UNC13B: variants seen among roughly 807,000 people sequenced by gnomAD.
UNC13B encodes unc-13 homolog B.
UNC13B carries 144 observed loss-of-function variants against 211.0 expected under a neutral mutation model. The ratio of observed to expected loss-of-function variants is 0.68; its 90% CI spans 0.60 to 0.78. The LOEUF is 0.78. Ranked by LOEUF, UNC13B falls within the 30% of genes least tolerant of loss-of-function variation. The probability of loss-of-function intolerance (pLI) is 0.00; values close to 1 mark genes in which losing one functional copy is unlikely to be tolerated. For missense variants in UNC13B, 1,777 were observed against 2,002.0 expected (o/e 0.89, Z 2.14); for synonymous variants, 709 against 725.8 (o/e 0.98, Z 0.37).
chr9:35,370,249 G>A lies in UNC13B; in HGVS notation c.9462-69G>A, dbSNP rs184446216. 498 of 1,382,924 alleles carry A rather than the reference G, an allele frequency of 3.6e-4. 4 individuals carry two copies. The Admixed American group carries it at 8.5e-3, about 24-fold the overall frequency. 85.7% of individuals were successfully genotyped at this position (1,382,924 alleles called of 1,614,324 possible). ...TGGGGAGAGGGAGAGCAAGGTGAAT[G>A]GAACACTGAACCCACCAGCTAACTC... On this transcript the variant is annotated intron_variant, in intron 12 of 39. Coordinates refer to ENST00000635942, the MANE Select transcript of UNC13B (RefSeq NM_001371189.2).
At position 35,302,419 on chromosome 9, in the gene UNC13B, A is replaced by G. The variant is rs1445330174; in HGVS notation, c.3015A>G (p.Lys1005=). ...CPEDAKLSSI[K]SGSAPNTQDN... is the part of the protein sequence containing the mutation. ...AAGATGCCAAACTTAGTTCAATAAA[A>G]TCTGGTTCAGCTCCAAATACTCAGG... The change falls in exon 9 of 40, where the codon AAA becomes AAG. Residue 1005 remains lysine (K), a synonymous_variant. Coordinates refer to ENST00000635942, the MANE Select transcript of UNC13B (RefSeq NM_001371189.2). 1 of 398,552 alleles carries G rather than the reference A, an allele frequency of 2.5e-6. No homozygotes were observed. The highest frequency in any genetic ancestry group is 4.4e-6 in the Non-Finnish European group (1 of 225,790). 24.7% of individuals were successfully genotyped at this position (398,552 alleles called of 1,614,324 possible). A position where few individuals can be genotyped will look rare whatever the true frequency, so the allele number is the denominator to read the frequency against.
At chr9:35,193,351 C>G (rs1564058808) in intron 1 of UNC13B, among the ~76,000 whole-genome samples, 2 of 152,016 alleles carry the variant, frequency 1.3e-5, no homozygotes, top group African/African-American at 4.8e-5. Context: ...GAATAGGTGC[C>G]TTAAAAGATC....
At chr9:35,197,417 A>T (rs950769304) in intron 1 of UNC13B, among the ~76,000 whole-genome samples, 1 of 152,114 alleles carries the variant, frequency 6.6e-6, no homozygotes, top group African/African-American at 2.4e-5. Context: ...CATGTTGGCC[A>T]GGCTGGTCTT....
rs759274444 is a variant in UNC13B at position 35,376,177 on chromosome 9, G to A, written c.9765G>A (p.Met3255Ile). ...GLLWGIARQGMRCSECGVKCH... is the reference protein window; with the variant it reads ...GLLWGIARQGIRCSECGVKCH... ...TCTGGGGCATTGCCCGGCAGGGCATGCGCTGCAGCGAATGTGGAGTCAAGT... is the reference window on the plus strand; with the variant it reads ...TCTGGGGCATTGCCCGGCAGGGCATACGCTGCAGCGAATGTGGAGTCAAGT... The change falls in exon 15 of 40, where the codon ATG becomes ATA. Residue 3255 changes from methionine to isoleucine, a missense_variant. Physicochemically the swap from Met to Ile is conservative, Grantham distance 10. Coordinates refer to ENST00000635942, the MANE Select transcript of UNC13B (RefSeq NM_001371189.2). The A allele has an allele frequency of 6.2e-7, 1 of 1,614,224 alleles. No individual in the cohort carries two copies. Among genetic ancestry groups the A allele is most frequent in the Non-Finnish European group, 8.5e-7 (1 of 1,180,040 alleles).
At chr9:35,264,795 C>G (rs546223151) in intron 7 of UNC13B, among the ~76,000 whole-genome samples, 2 of 152,280 alleles carry the variant, frequency 1.3e-5, no homozygotes, top group South Asian at 4.1e-4. Flanking sequence ...ATTCTTGAGT[C>G]TTAGATCTAA....
At chr9:35,207,376 C>T (rs969702540) in intron 1 of UNC13B, among the ~76,000 whole-genome samples, 1 of 152,102 alleles carries the variant, frequency 6.6e-6, no homozygotes, top group Non-Finnish European at 1.5e-5. Context: ...ACTCCCACTC[C>T]AGTCTCCTGA....
intron 17 of UNC13B, 106 bp from the exon 18 acceptor site, chr9:35,380,364 C>T: frequency 8.1e-7 from 1 of 1,238,558 alleles, no homozygotes; most frequent in South Asian, 1.5e-5. Context: ...TCTCCTCTTT[C>T]AGGGCCTCAA....
At chr9:35,359,071 G>C (rs1833225648) in intron 11 of UNC13B, among the ~76,000 whole-genome samples, 2 of 151,952 alleles carry the variant, frequency 1.3e-5, no homozygotes, top group Admixed American at 1.3e-4. Context: ...TGGGTATCTA[G>C]TTGTCCCAGA....
intron 8 of UNC13B, among the ~76,000 whole-genome samples, chr9:35,296,467 C>T (rs1829365259): frequency 1.3e-5 from 2 of 152,108 alleles, no homozygotes; most frequent in African/African-American, 4.8e-5. Context: ...CCACACTTAC[C>T]TTCCTCCACC....
chr9:35,372,338 C>A (rs1466908269), intron 13 of UNC13B, among the ~76,000 whole-genome samples: 1 of 152,254 alleles, frequency 6.6e-6, no homozygotes, highest in Admixed American at 6.5e-5. Context: ...GCTGTTCCTC[C>A]TGCTTAGGCT....
At chr9:35,299,037 G>T (rs1345750527) in intron 8 of UNC13B, among the ~76,000 whole-genome samples, 1 of 152,132 alleles carries the variant, frequency 6.6e-6, no homozygotes, top group Non-Finnish European at 1.5e-5. Flanking sequence ...TTCAAGACCA[G>T]CCTGGCCAAC....
chr9:35,302,216 A>C lies in UNC13B; in HGVS notation c.2812A>C (p.Ser938Arg), dbSNP rs1239867237. 2 of 398,650 alleles carry C rather than the reference A, an allele frequency of 5.0e-6. No individual in the cohort carries two copies. Among genetic ancestry groups the C allele is most frequent in the Non-Finnish European group, 8.9e-6 (2 of 225,832 alleles). 24.7% of individuals were successfully genotyped at this position (398,650 alleles called of 1,614,324 possible). The change falls in exon 9 of 40, where the codon AGT becomes CGT. Residue 938 changes from serine to arginine, a missense_variant. Transcript: ENST00000635942. ...ATCTAGTTCTGTTCCAAATATTCAT[A>C]GTGATCTAGGAAAATTTGACAGTAC... is the stretch of plus-strand genomic sequence containing the variant. The part of the protein sequence containing the change: ...IKSSSVPNIH[S>R]DLGKFDSTEE...
intron 7 of UNC13B, among the ~76,000 whole-genome samples, chr9:35,290,293 C>T (rs919949300): frequency 6.6e-6 from 1 of 151,826 alleles, no homozygotes; most frequent in Non-Finnish European, 1.5e-5. Flanking sequence ...AAGCCCCTTT[C>T]TGATCTAGGT....
chr9:35,216,751 CAGACTTA>C (rs1449171809), intron 1 of UNC13B, among the ~76,000 whole-genome samples: 1 of 152,136 alleles, frequency 6.6e-6, no homozygotes, highest in Non-Finnish European at 1.5e-5. Flanking sequence ...AATAAAATGT[CAGACTTA>C]AGCCCTAACA....
intron 1 of UNC13B, among the ~76,000 whole-genome samples, chr9:35,207,181 T>G (rs938849068): frequency 1.3e-5 from 2 of 152,212 alleles, no homozygotes; most frequent in African/African-American, 4.8e-5. Flanking sequence ...AAATGATATC[T>G]TACTGTGGTT....
At chr9:35,344,601 C>T (rs897679614) in intron 11 of UNC13B, among the ~76,000 whole-genome samples, 1 of 152,076 alleles carries the variant, frequency 6.6e-6, no homozygotes, top group African/African-American at 2.4e-5. Flanking sequence ...ACACCCGCTG[C>T]GGATCTTTGA....
At chr9:35,391,299 T>C (rs1835517127) in intron 26 of UNC13B, among the ~76,000 whole-genome samples, 1 of 152,236 alleles carries the variant, frequency 6.6e-6, no homozygotes, top group South Asian at 2.1e-4. Flanking sequence ...ATACCTGTAT[T>C]AGACCTTCCT....
intron 1 of UNC13B, among the ~76,000 whole-genome samples, chr9:35,203,281 G>T (rs1823430315): frequency 6.6e-6 from 1 of 152,176 alleles, no homozygotes; most frequent in Non-Finnish European, 1.5e-5. Flanking sequence ...GCATGTTTTT[G>T]CAGTGGCTGG....
chr9:35,370,443 C>T, intron 13 of UNC13B, 47 bp downstream of exon 13: 1 of 1,572,402 alleles, frequency 6.4e-7, no homozygotes. Flanking sequence ...CTTGGGGTAT[C>T]CCCCATTGGG....
Sources: gnomAD v4.1 joint callset for allele counts (sites outside exome capture counted in the v4.1 genomes callset) on GRCh38, gnomAD v4.1.1 for gene constraint, MANE v1.5 for transcripts, NCBI Gene and HGNC (gene_info 2026-07-23, HGNC 2026-07-21) for gene names.